Variants in USP53 observed in about 807,000 individuals in gnomAD.
USP53 encodes the protein ubiquitin carboxyl-terminal hydrolase 53.
Under a neutral mutation model 94.9 loss-of-function variants are expected in USP53, and 71 were observed. That is an observed-to-expected ratio of 0.75 (90% confidence interval 0.62 to 0.91). The LOEUF (loss-of-function observed/expected upper bound fraction) is 0.91. Among genes scored for constraint, USP53 ranks in the 40% least tolerant of loss-of-function variants. The pLI, the probability that USP53 is intolerant of heterozygous loss-of-function variation, is 0.00. For synonymous variants in USP53, 375 were observed against 422.7 expected, an observed-to-expected ratio of 0.89 and a Z score of 1.39; for missense variants, 1,173 against 1,281.0, an observed-to-expected ratio of 0.92 and a Z score of 1.29.
chr4:119,213,641 G>GATATATATATATATATATATATATAT lies in USP53; in HGVS notation c.-941-409_-941-408insATATATATATATATATATATATATAT, dbSNP rs141285286. On this transcript the variant is annotated intron_variant, in intron 1 of 18. Transcript: ENST00000692078. Reference sequence around the variant, plus strand: ...CCGAAAGTTTCCTTATCTGGAAATAGATATATATATATATATATATGTGTG... The same window carrying GATATATATATATATATATATATATAT: ...CCGAAAGTTTCCTTATCTGGAAATAGATATATATATATATATATATATATATATATATATATATATATATATGTGTG... Among the ~76,000 whole-genome samples the GATATATATATATATATATATATATAT allele has an allele frequency of 7.8e-4, 84 of 108,058 alleles. 3 individuals carry two copies. The highest frequency in any genetic ancestry group is 3.2e-3 in the African/African-American group (76 of 23,662). The allele number at this position is 108,058 out of a possible 152,430, so 70.9% of individuals were successfully genotyped here.
intron 12 of USP53, among the ~76,000 whole-genome samples, chr4:119,265,265 G>A (rs1366710961): frequency 6.6e-6 from 1 of 152,128 alleles, no homozygotes; most frequent in East Asian, 1.9e-4. Context: ...AAATTTTTTG[G>A]TATTTATATT....
intron 17 of USP53, among the ~76,000 whole-genome samples, chr4:119,276,346 A>G (rs1327802230): frequency 2.8e-4 from 42 of 150,388 alleles, no homozygotes; most frequent in Non-Finnish European, 4.9e-4. Flanking sequence ...TTCTGCATCT[A>G]TTGAGATAAT....
chr4:119,293,119 T>G lies in USP53; in HGVS notation c.3130T>G (p.Cys1044Gly). 6.2e-7 allele frequency: 1 copy of G among 1,613,944 alleles called. No homozygotes were observed. The highest frequency in any genetic ancestry group is 8.5e-7 in the Non-Finnish European group (1 of 1,179,930). Residue 1044 changes from cysteine (C) to glycine (G), a missense_variant, in exon 19 of 19, where the codon TGC becomes GGC. Coordinates refer to ENST00000692078, the MANE Select transcript of USP53 (RefSeq NM_001371395.1). ...SLTTYFSVDSCMTDTYRLKYH... is the reference protein window; with the variant it reads ...SLTTYFSVDSGMTDTYRLKYH... ...AACTACCTATTTTTCAGTTGATAGCTGCATGACGGATACATATAGATTGAA... is the reference window on the plus strand; with the variant it reads ...AACTACCTATTTTTCAGTTGATAGCGGCATGACGGATACATATAGATTGAA...
At chr4:119,218,019 T>C (rs1027252208) in intron 3 of USP53, 1 of 152,200 alleles carries the variant, frequency 6.6e-6, no homozygotes, top group Non-Finnish European at 1.5e-5. Flanking sequence ...TATATGTTAC[T>C]GTGTAAAGGG....
At chr4:119,262,523 G>C (rs1750635359) in intron 12 of USP53, among the ~76,000 whole-genome samples, 1 of 151,932 alleles carries the variant, frequency 6.6e-6, no homozygotes, top group Non-Finnish European at 1.5e-5. Context: ...AGTAAAGTAA[G>C]CAAGAAAAAA....
At chr4:119,251,422 T>C (rs1282700322) in intron 7 of USP53, among the ~76,000 whole-genome samples, 3 of 152,176 alleles carry the variant, frequency 2.0e-5, no homozygotes, top group Non-Finnish European at 4.4e-5. Context: ...ATATACCCAG[T>C]AATGGGATTG....
In USP53 at chr4:119,293,359, A is replaced by G. The variant is rs1754983877; in HGVS notation, c.*148A>G. ...TCAGAGGCCATTTAAATATAATAGG[A>G]ACCTACTGACCAAACCTAGTGATAC... is the stretch of plus-strand genomic sequence containing the variant. On this transcript the variant is annotated 3_prime_UTR_variant, in exon 19 of 19. Transcript: ENST00000692078. 13 of 920,538 alleles carry G rather than the reference A, an allele frequency of 1.4e-5. No homozygotes were observed. In the South Asian group the frequency reaches 2.5e-4, roughly 18 times the overall value. The allele number at this position is 920,538 out of a possible 1,614,324, so 57.0% of individuals were successfully genotyped here.
intron 12 of USP53, among the ~76,000 whole-genome samples, chr4:119,262,125 C>G (rs1750589311): frequency 6.6e-6 from 1 of 152,136 alleles, no homozygotes; most frequent in Admixed American, 6.5e-5. Flanking sequence ...AAATATGTAA[C>G]TATCAGTGAT....
intron 17 of USP53, among the ~76,000 whole-genome samples, chr4:119,276,320 T>G (rs1752636681): frequency 6.6e-6 from 1 of 150,788 alleles, no homozygotes; most frequent in African/African-American, 2.4e-5. Flanking sequence ...CATTGTTGAA[T>G]TTTGTCAAAG....
intron 7 of USP53, among the ~76,000 whole-genome samples, chr4:119,251,560 G>A (rs1357256881): frequency 6.6e-6 from 1 of 152,110 alleles, no homozygotes; most frequent in Non-Finnish European, 1.5e-5. Context: ...AACCTCTCCA[G>A]CATCTGTTGT....
chr4:119,252,459 T>A (rs1749152997), intron 7 of USP53, among the ~76,000 whole-genome samples: 1 of 152,174 alleles, frequency 6.6e-6, no homozygotes, highest in Non-Finnish European at 1.5e-5. Flanking sequence ...GGTTTAGTCT[T>A]GGGAGGGTGT....
intron 3 of USP53, among the ~76,000 whole-genome samples, chr4:119,234,591 CA>C (rs1746488716): frequency 1.3e-5 from 2 of 152,190 alleles, no homozygotes; most frequent in African/African-American, 4.8e-5. Flanking sequence ...AATATTATTT[CA>C]AAAAGATTCT....
chr4:119,244,392 TA>T (rs60561364), intron 5 of USP53, among the ~76,000 whole-genome samples: 3,373 of 152,268 alleles, frequency 0.022, 135 homozygotes, highest in African/African-American at 0.077. Context: ...TTTTTGTTTT[TA>T]TTTGGGAGAA....
In USP53 at chr4:119,273,525, A is replaced by G. The variant is rs1431333087; in HGVS notation, c.2175-107A>G. The G allele has an allele frequency of 4.0e-6, 3 of 746,956 alleles. No individual in the cohort carries two copies. In the African/African-American group the frequency reaches 5.3e-5, roughly 13 times the overall value. 46.3% of individuals were successfully genotyped at this position (746,956 alleles called of 1,614,324 possible). A position where few individuals can be genotyped will look rare whatever the true frequency, so the allele number is the denominator to read the frequency against. ...TTAAATAATGTACATTAAGCCCTAG[A>G]ACAGCACATGGCATATAATAAATGT... is the stretch of plus-strand genomic sequence containing the variant. On this transcript the variant is annotated intron_variant, in intron 16 of 18. Coordinates refer to ENST00000692078, the MANE Select transcript of USP53 (RefSeq NM_001371395.1).
chr4:119,242,951 C>G (rs2149333947), intron 5 of USP53, among the ~76,000 whole-genome samples: 1 of 152,094 alleles, frequency 6.6e-6, no homozygotes, highest in African/African-American at 2.4e-5. Context: ...CTATTTCTTA[C>G]ATTATTTTCA....
At chr4:119,250,310 A>G (rs1748797133) in intron 7 of USP53, among the ~76,000 whole-genome samples, 1 of 152,194 alleles carries the variant, frequency 6.6e-6, no homozygotes, top group South Asian at 2.1e-4. Flanking sequence ...ATAACACATG[A>G]CCAAACCACC....
intron 12 of USP53, among the ~76,000 whole-genome samples, chr4:119,262,390 C>A (rs1750620141): frequency 6.6e-6 from 1 of 152,180 alleles, no homozygotes. Flanking sequence ...CCACATACCA[C>A]TTTCGACTCC....
At chr4:119,286,613 A>G (rs187146012) in intron 17 of USP53, among the ~76,000 whole-genome samples, 10 of 152,210 alleles carry the variant, frequency 6.6e-5, no homozygotes, top group Non-Finnish European at 1.5e-4. Context: ...TGAATAATTT[A>G]TAAAAGTAAA....
chr4:119,236,962 C>T (rs1578442088), intron 4 of USP53, among the ~76,000 whole-genome samples: 1 of 152,132 alleles, frequency 6.6e-6, no homozygotes, highest in Admixed American at 6.6e-5. Context: ...TCTGTGGCAG[C>T]TGTGGCCTTA....
Sources: gnomAD v4.1 joint callset for allele counts (sites outside exome capture counted in the v4.1 genomes callset) on GRCh38, gnomAD v4.1.1 for gene constraint, MANE v1.5 for transcripts, NCBI Gene and HGNC (gene_info 2026-07-23, HGNC 2026-07-21) for gene names.